The following PRKN variants were observed in gnomAD, a reference collection of about 807,000 sequenced individuals.
PRKN encodes parkin RBR E3 ubiquitin protein ligase.
A neutral mutation model predicts 59.5 loss-of-function variants in PRKN; 56 were observed. That is an observed-to-expected ratio of 0.94 (90% CI 0.76 to 1.18). The LOEUF is 1.18. PRKN is among the 50% of genes most tolerant of loss of function. PRKN has a pLI of 0.00. For synonymous variants in PRKN, 250 were observed against 222.1 expected, an observed-to-expected ratio of 1.13 and a Z score of -1.12; for missense variants, 657 against 596.4, an observed-to-expected ratio of 1.10 and a Z score of -1.06.
intron 9 of PRKN, among the ~76,000 whole-genome samples, chr6:161,524,293 A>G (rs1488109999): frequency 6.6e-6 from 1 of 152,182 alleles, no homozygotes; most frequent in African/African-American, 2.4e-5. Flanking sequence ...ATGCTCCCAA[A>G]TAGAAAAAAA....
chr6:161,763,923 T>C (rs1789315373), intron 7 of PRKN, among the ~76,000 whole-genome samples: 2 of 152,110 alleles, frequency 1.3e-5, no homozygotes, highest in Admixed American at 1.3e-4. Flanking sequence ...TCTTGCCCCT[T>C]TGCAACCATT....
chr6:161,449,757 C>T (rs149949781), intron 9 of PRKN, among the ~76,000 whole-genome samples: 21 of 152,242 alleles, frequency 1.4e-4, no homozygotes, highest in African/African-American at 2.2e-4. Context: ...ACTAGACTTC[C>T]GTAACCAGCC....
At chr6:162,421,897 A>C (rs939662592) in intron 2 of PRKN, among the ~76,000 whole-genome samples, 2 of 152,346 alleles carry the variant, frequency 1.3e-5, no homozygotes, top group South Asian at 2.1e-4. Flanking sequence ...TATGTATTCT[A>C]TTTATAAAAT....
chr6:162,612,168 C>T (rs1483202961), intron 1 of PRKN, among the ~76,000 whole-genome samples: 27 of 127,290 alleles, frequency 2.1e-4, no homozygotes, highest in Middle Eastern at 0.011. Context: ...ACTCCAGCCT[C>T]GGAGACAGAG....
intron 7 of PRKN, among the ~76,000 whole-genome samples, chr6:161,665,079 C>T (rs142446196): frequency 0.01 from 1,543 of 152,204 alleles, 27 homozygotes; most frequent in African/African-American, 0.034. Context: ...AGCCACCACG[C>T]CTGGCCCAAC....
chr6:162,531,374 A>T (rs1778507669), intron 1 of PRKN, among the ~76,000 whole-genome samples: 1 of 152,176 alleles, frequency 6.6e-6, no homozygotes, highest in Non-Finnish European at 1.5e-5. Flanking sequence ...AGAGTAATTC[A>T]CGCAGAGCCG....
Position 161,459,338 on chromosome 6 carries a change from T to G in PRKN, c.1084-72461A>C, listed in dbSNP as rs1490188331. ...TTCTCAGAAATGCCCTTGAAGTGAC[T>G]ATTAATTCCAGAATATGGTGTGAAT... On this transcript the variant is annotated intron_variant, in intron 9 of 11. Transcript: ENST00000366898. This position sits in a 1 kb window ranked among gnomAD's most constrained non-coding sequence, Gnocchi z 4.8. Among the ~76,000 whole-genome samples the G allele has an allele frequency of 1.3e-5, 2 of 152,262 alleles. No individual in the cohort carries two copies. The highest frequency in any genetic ancestry group is 2.9e-5 in the Non-Finnish European group (2 of 68,048).
intron 5 of PRKN, among the ~76,000 whole-genome samples, chr6:161,977,599 C>G (rs182145206): frequency 7.2e-6 from 1 of 139,116 alleles, no homozygotes; most frequent in Admixed American, 8.1e-5. Context: ...CAGGCTGGAG[C>G]GCAGTGGCAC....
intron 1 of PRKN, among the ~76,000 whole-genome samples, chr6:162,534,418 T>C (rs1778635648): frequency 6.6e-6 from 1 of 152,198 alleles, no homozygotes; most frequent in African/African-American, 2.4e-5. Context: ...GAAAGCATGC[T>C]GTGCCTCTTT....
intron 5 of PRKN, among the ~76,000 whole-genome samples, chr6:162,037,424 C>T (rs746942745): frequency 3.0e-4 from 46 of 152,082 alleles, no homozygotes; most frequent in East Asian, 2.5e-3. Flanking sequence ...TGTATGTGTC[C>T]GTGTGTTTTC....
chr6:161,747,393 T>TTC (rs1788477205), intron 7 of PRKN, among the ~76,000 whole-genome samples: 2 of 145,306 alleles, frequency 1.4e-5, no homozygotes, highest in African/African-American at 5.1e-5. Flanking sequence ...AGTGATATGT[T>TTC]TCTCTTTTTT....
chr6:161,487,998 G>A lies in PRKN; in HGVS notation c.1083+60856C>T, dbSNP rs960701787. ...TCTCCCATGAAATGGGGTGGAGAGA[G>A]GGGAAAGGCAGAAAATAAGCAAGGC... On this transcript the variant is annotated intron_variant, in intron 9 of 11. Transcript: ENST00000366898. This position sits in a 1 kb window ranked among gnomAD's most constrained non-coding sequence, Gnocchi z 5.3. 1.3e-5 allele frequency among the ~76,000 whole-genome samples: 2 copies of A among 152,204 alleles called. No individual in the cohort carries two copies. The highest frequency in any genetic ancestry group is 2.9e-5 in the Non-Finnish European group (2 of 68,050).
chr6:161,730,961 A>G (rs1787682523), intron 7 of PRKN, among the ~76,000 whole-genome samples: 1 of 151,226 alleles, frequency 6.6e-6, no homozygotes, highest in Admixed American at 6.6e-5. Flanking sequence ...TTGCATTCTG[A>G]TGTGTTGCAT....
At chr6:161,801,267 G>T (rs1791066622) in intron 6 of PRKN, among the ~76,000 whole-genome samples, 1 of 152,230 alleles carries the variant, frequency 6.6e-6, no homozygotes, top group Admixed American at 6.5e-5. Flanking sequence ...GTGACTGGAG[G>T]AGCAGCAGGG....
rs1787978383 is a variant in PRKN, at chr6:161,419,194, T to G, written c.1084-32317A>C. Among the ~76,000 whole-genome samples, 1 of 152,188 alleles carries G rather than the reference T, an allele frequency of 6.6e-6. No individual in the cohort carries two copies. Among genetic ancestry groups the G allele is most frequent in the South Asian group, 2.1e-4 (1 of 4,830 alleles). ...AACGTGCTACACAGAGTTTGATGCTTCTTGTGCGTGATCTCACCTGTTCCC... is the reference window on the plus strand; with the variant it reads ...AACGTGCTACACAGAGTTTGATGCTGCTTGTGCGTGATCTCACCTGTTCCC... On this transcript the variant is annotated intron_variant, in intron 9 of 11. Transcript: ENST00000366898. This position sits in a 1 kb window ranked among gnomAD's most constrained non-coding sequence, Gnocchi z 4.1.
chr6:162,151,629 AT>A (rs1782274225), intron 4 of PRKN, among the ~76,000 whole-genome samples: 1 of 152,112 alleles, frequency 6.6e-6, no homozygotes, highest in African/African-American at 2.4e-5. Context: ...TTACAAGAAA[AT>A]TTTCCTTTTC....
At chr6:161,453,035 A>G (rs970766752) in intron 9 of PRKN, among the ~76,000 whole-genome samples, 2 of 152,178 alleles carry the variant, frequency 1.3e-5, no homozygotes, top group African/African-American at 4.8e-5. Context: ...GACCACACAC[A>G]TTCTTCGTGT....
chr6:162,053,865 G>A (rs578246286), intron 5 of PRKN, among the ~76,000 whole-genome samples: 1 of 152,130 alleles, frequency 6.6e-6, no homozygotes, highest in African/African-American at 2.4e-5. Context: ...ATTTCCACAC[G>A]GTCCCCCCAA....
At chr6:162,254,907 T>C (rs1020444751) in intron 3 of PRKN, among the ~76,000 whole-genome samples, 3 of 151,944 alleles carry the variant, frequency 2.0e-5, no homozygotes, top group Non-Finnish European at 4.4e-5. Context: ...CCATACATCA[T>C]TCAGGGCTGG....
Sources: gnomAD v4.1 joint callset for allele counts (sites outside exome capture counted in the v4.1 genomes callset) on GRCh38, gnomAD v4.1.1 for gene constraint, Gnocchi (gnomAD v3.1) non-coding constraint, MANE v1.5 for transcripts, NCBI Gene and HGNC (gene_info 2026-07-23, HGNC 2026-07-21) for gene names.